Variants in CDK14 observed in about 807,000 individuals in gnomAD.
The protein encoded by CDK14 is cyclin-dependent kinase 14.
A neutral mutation model predicts 60.7 loss-of-function variants in CDK14; 34 were observed. The observed-to-expected ratio is 0.56, with a 90% confidence interval of 0.43 to 0.75. CDK14 has a LOEUF of 0.75. Ranked by LOEUF, CDK14 falls within the 30% of genes least tolerant of loss-of-function variation. CDK14 has a pLI of 0.00. For synonymous variants in CDK14, 197 were observed against 203.7 expected, an observed-to-expected ratio of 0.97 and a Z score of 0.28; for missense variants, 482 against 564.1, an observed-to-expected ratio of 0.85 and a Z score of 1.47.
At chr7:90,694,267 A>G (rs1306242497) in intron 2 of CDK14, among the ~76,000 whole-genome samples, 1 of 152,198 alleles carries the variant, frequency 6.6e-6, no homozygotes, top group Non-Finnish European at 1.5e-5. Flanking sequence ...ATTACATTAT[A>G]AATACTAAGG....
chr7:90,608,574 T>C (rs1799469551), intron 2 of CDK14: 2 of 983,746 alleles, frequency 2.0e-6, no homozygotes, highest in Non-Finnish European at 2.4e-6. Context: ...CCTGGCTCTT[T>C]GGTGAGAAAT....
At chr7:91,083,349 C>A (rs1798534394) in intron 12 of CDK14, among the ~76,000 whole-genome samples, 1 of 152,094 alleles carries the variant, frequency 6.6e-6, no homozygotes, top group South Asian at 2.1e-4. Context: ...GTCCACTGCC[C>A]AGCTCTATGG....
intron 2 of CDK14, among the ~76,000 whole-genome samples, chr7:90,715,312 A>G (rs1291322219): frequency 2.0e-5 from 3 of 152,186 alleles, no homozygotes; most frequent in South Asian, 2.1e-4. Context: ...TGTGATGTTT[A>G]AAAATACCCC....
chr7:90,609,910 C>G (rs1437729604), intron 2 of CDK14, among the ~76,000 whole-genome samples: 1 of 152,200 alleles, frequency 6.6e-6, no homozygotes, highest in Non-Finnish European at 1.5e-5. Context: ...CGCTGTCATA[C>G]AACATTCTAG....
rs1800115623 is a variant in CDK14 at position 90,635,347 on chromosome 7, CAGA to C, written c.123+31099_123+31101del. On this transcript the variant is annotated intron_variant, in intron 2 of 14. Transcript: ENST00000380050. The stretch of plus-strand genomic sequence containing the variant: ...GAAGGGATCCAGTTTCAGCTTTCTA[CAGA>C]TGGCTAGCCAGTTTTCCCAACACCA... 4.6e-5 allele frequency among the ~76,000 whole-genome samples: 7 copies of C among 152,332 alleles called. No homozygotes were observed. The South Asian group carries it at 1.4e-3, about 32-fold the overall frequency.
At chr7:90,917,049 A>G (rs547985246) in intron 7 of CDK14, among the ~76,000 whole-genome samples, 1 of 152,326 alleles carries the variant, frequency 6.6e-6, no homozygotes, top group South Asian at 2.1e-4. Flanking sequence ...CAGTATAATT[A>G]TAATGTAGTA....
chr7:91,062,392 A>G (rs1797830715), intron 11 of CDK14, among the ~76,000 whole-genome samples: 1 of 151,950 alleles, frequency 6.6e-6, no homozygotes, highest in African/African-American at 2.4e-5. Flanking sequence ...CACTCAGTGC[A>G]CTGCACCCAC....
intron 3 of CDK14, among the ~76,000 whole-genome samples, chr7:90,745,041 A>G (rs775094211): frequency 2.0e-5 from 3 of 151,032 alleles, no homozygotes; most frequent in Non-Finnish European, 4.4e-5. Flanking sequence ...TTTGTTTGGG[A>G]TTTGTATACC....
In CDK14 at chr7:90,767,752, A is replaced by T. The variant is rs539283340; in HGVS notation, c.464+19977A>T. On this transcript the variant is annotated intron_variant, in intron 4 of 14. Coordinates refer to ENST00000380050, the MANE Select transcript of CDK14 (RefSeq NM_001287135.2). ...CTTCTCACAAATAACATAGGAACTA[A>T]TATTATAGTAAGAACTATACCTGAA... Among the ~76,000 whole-genome samples the T allele has an allele frequency of 2.8e-4, 42 of 152,330 alleles. No homozygotes were observed. The South Asian group carries it at 8.1e-3, about 29-fold the overall frequency.
chr7:91,057,513 T>G (rs1797617651), intron 11 of CDK14, among the ~76,000 whole-genome samples: 1 of 152,000 alleles, frequency 6.6e-6, no homozygotes, highest in African/African-American at 2.4e-5. Flanking sequence ...TGCCTAGGTT[T>G]TCTTCTGGGG....
rs186705762 is a variant in CDK14 at position 91,179,685 on chromosome 7, C to T, written c.*29-27480C>T. Among the ~76,000 whole-genome samples, 1,204 of 152,038 alleles carry T rather than the reference C, an allele frequency of 7.9e-3. 21 individuals are homozygous for T. The highest frequency in any genetic ancestry group is 0.026 in the African/African-American group (1,078 of 41,466). On this transcript the variant is annotated intron_variant, in intron 14 of 14. Transcript: ENST00000380050. Reference sequence around the variant, plus strand: ...GGGCGTGGTGGCGGGCGCCTGTAGTCCCAGCTACTTGGGAGGCCAAGGCAG... The same window carrying T: ...GGGCGTGGTGGCGGGCGCCTGTAGTTCCAGCTACTTGGGAGGCCAAGGCAG...
chr7:90,618,972 C>T (rs746571325), intron 2 of CDK14, among the ~76,000 whole-genome samples: 23 of 152,224 alleles, frequency 1.5e-4, no homozygotes, highest in South Asian at 6.2e-4. Flanking sequence ...ATCAGTTTTC[C>T]GGTCACCAAG....
At chr7:91,180,240 A>G (rs1801954565) in intron 14 of CDK14, among the ~76,000 whole-genome samples, 1 of 152,216 alleles carries the variant, frequency 6.6e-6, no homozygotes, top group Non-Finnish European at 1.5e-5. Flanking sequence ...TTTGCTAGGG[A>G]TACAAAATGC....
intron 6 of CDK14, among the ~76,000 whole-genome samples, chr7:90,871,685 G>C (rs1225395608): frequency 6.6e-6 from 1 of 152,170 alleles, no homozygotes. Context: ...TTCCTAACCT[G>C]TATTACATGC....
intron 2 of CDK14, among the ~76,000 whole-genome samples, chr7:90,688,963 T>A (rs958435772): frequency 1.3e-5 from 2 of 152,100 alleles, no homozygotes; most frequent in African/African-American, 4.8e-5. Flanking sequence ...TGTTCAGCAT[T>A]GGGTTGGAGT....
At position 90,716,101 on chromosome 7, in the gene CDK14, C is replaced by T. The variant is rs927799251; in HGVS notation, c.124-10466C>T. On this transcript the variant is annotated intron_variant, in intron 2 of 14. Coordinates refer to ENST00000380050, the MANE Select transcript of CDK14 (RefSeq NM_001287135.2). ...AACTGGAAGTCAGAAAATGTACATA[C>T]CTTCTTCTTTCTCTTGTTGACCTTT... Among the ~76,000 whole-genome samples the T allele has an allele frequency of 3.3e-5, 5 of 151,972 alleles. No individual in the cohort carries two copies. In the East Asian group the frequency reaches 7.8e-4, roughly 24 times the overall value.
chr7:91,139,075 C>T (rs950061433), intron 14 of CDK14, among the ~76,000 whole-genome samples: 7 of 152,142 alleles, frequency 4.6e-5, no homozygotes, highest in African/African-American at 1.7e-4. Context: ...GCCCTACATC[C>T]AAATTCGAGT....
chr7:90,777,957 T>C (rs1275165872), intron 4 of CDK14, among the ~76,000 whole-genome samples: 3 of 152,254 alleles, frequency 2.0e-5, no homozygotes, highest in Non-Finnish European at 2.9e-5. Context: ...GCTCTTTCCA[T>C]GTGTTCTAGA....
intron 6 of CDK14, among the ~76,000 whole-genome samples, chr7:90,880,361 T>G (rs1180409596): frequency 6.6e-6 from 1 of 152,144 alleles, no homozygotes; most frequent in African/African-American, 2.4e-5. Flanking sequence ...AACCCATCCT[T>G]CCTCAGTGGA....
Sources: gnomAD v4.1 joint callset for allele counts (sites outside exome capture counted in the v4.1 genomes callset) on GRCh38, gnomAD v4.1.1 for gene constraint, MANE v1.5 for transcripts, NCBI Gene and HGNC (gene_info 2026-07-23, HGNC 2026-07-21) for gene names.